PKHD1: variants seen among roughly 807,000 people sequenced by gnomAD.
The protein encoded by PKHD1 is PKHD1 ciliary IPT domain containing fibrocystin/polyductin.
A neutral mutation model predicts 412.0 loss-of-function variants in PKHD1; 291 were observed. The ratio of observed to expected loss-of-function variants is 0.71; its 90% confidence interval spans 0.64 to 0.78. The LOEUF is 0.78. Among genes scored for constraint, PKHD1 ranks in the 30% least tolerant of loss-of-function variants. The pLI is 0.00. For missense variants in PKHD1, 4,825 were observed against 4,950.7 expected, an observed-to-expected ratio of 0.97 and a Z score of 0.76; for synonymous variants, 1,777 against 1,821.5, an observed-to-expected ratio of 0.98 and a Z score of 0.62.
chr6:51,730,480 C>T (rs1466179616), intron 60 of PKHD1, among the ~76,000 whole-genome samples: 1 of 152,162 alleles, frequency 6.6e-6, no homozygotes, highest in Non-Finnish European at 1.5e-5. Flanking sequence ...ATTTAAAATG[C>T]TATTTTTGTT....
chr6:51,959,269 A>G (rs1395004243), intron 36 of PKHD1, among the ~76,000 whole-genome samples: 1 of 152,124 alleles, frequency 6.6e-6, no homozygotes, highest in African/African-American at 2.4e-5. Flanking sequence ...CATGATTTTT[A>G]TTCTCATTTA....
At chr6:51,711,215 G>A (rs889444511) in intron 60 of PKHD1, among the ~76,000 whole-genome samples, 1 of 152,154 alleles carries the variant, frequency 6.6e-6, no homozygotes, top group South Asian at 2.1e-4. Flanking sequence ...ATTTCATAAG[G>A]ATCCTGAGAA....
chr6:51,799,821 G>A (rs979106238), intron 52 of PKHD1, among the ~76,000 whole-genome samples: 1 of 152,128 alleles, frequency 6.6e-6, no homozygotes, highest in African/African-American at 2.4e-5. Flanking sequence ...AATTACTCAA[G>A]ATATTTCAGA....
Position 51,940,979 on chromosome 6 carries a change from G to T in PKHD1, c.5909-6657C>A, listed in dbSNP as rs187175768. Among the ~76,000 whole-genome samples the T allele has an allele frequency of 1.2e-3, 188 of 151,262 alleles. 1 individual carries two copies. Among genetic ancestry groups the T allele is most frequent in the African/African-American group, 4.3e-3 (176 of 41,378 alleles). ...AATTGAATTATCTGCTTCCCTCACT[G>T]TTCCTAGATTACAGCCACACCTCAC... On this transcript the variant is annotated intron_variant, in intron 36 of 66. Coordinates refer to ENST00000371117, the MANE Select transcript of PKHD1 (RefSeq NM_138694.4).
At chr6:51,963,042 TACATGCTTTTACAGATATCAC>T (rs1792304116) in intron 35 of PKHD1, among the ~76,000 whole-genome samples, 1 of 152,046 alleles carries the variant, frequency 6.6e-6, no homozygotes, top group Non-Finnish European at 1.5e-5. Context: ...GCTGGTGCCA[TACATGCTTTTACAGATATCAC>T]ACACAAACAC....
intron 34 of PKHD1, among the ~76,000 whole-genome samples, chr6:52,014,700 A>AGATGGATGGATG (rs55925667): frequency 3.0e-4 from 24 of 80,764 alleles, no homozygotes; most frequent in Middle Eastern, 6.0e-3. Flanking sequence ...TATACTGGAT[A>AGATGGATGGATG]GATGGATGGA....
chr6:51,984,075 A>T (rs1301686775), intron 35 of PKHD1, among the ~76,000 whole-genome samples: 1 of 152,262 alleles, frequency 6.6e-6, no homozygotes, highest in Non-Finnish European at 1.5e-5. Flanking sequence ...ACTCTGAGTT[A>T]TGACAAAGGG....
chr6:51,883,209 G>C lies in PKHD1; in HGVS notation c.7234C>G (p.Leu2412Val), dbSNP rs1010562596. The change falls in exon 46 of 67, where the codon CTT becomes GTT. Residue 2412 changes from leucine (L) to valine (V), a missense_variant. By Grantham distance (32) the Leu-to-Val change is conservative. Coordinates refer to ENST00000371117, the MANE Select transcript of PKHD1 (RefSeq NM_138694.4). ...TAAACTTTGAAGTTTTTCAGGCGAA[G>C]ATTGCTACTTCTAAAAATCTATAAA... ...GGAQIFRSSN[L>V]RLKNFKVYSC... The C allele has an allele frequency of 3.1e-6, 5 of 1,613,386 alleles. No homozygotes were observed. The highest frequency in any genetic ancestry group is 4.2e-6 in the Non-Finnish European group (5 of 1,179,458).
rs892429043 is a variant in PKHD1 at position 51,659,451 on chromosome 6, C to G, written c.10675G>C (p.Val3559Leu). The change falls in exon 61 of 67, where the codon GTT becomes CTT. Residue 3559 changes from valine to leucine, a missense_variant. Transcript: ENST00000371117. Reference sequence around the variant, plus strand: ...ACAGTGAGGGCCAAGTGAATGGAAACACCTGAGCGTATTTCAATGGGCTCC... The same window carrying G: ...ACAGTGAGGGCCAAGTGAATGGAAAGACCTGAGCGTATTTCAATGGGCTCC... ...GEEPIEIRSG[V>L]SIHLALTVMV... 8 of 1,613,696 alleles carry G rather than the reference C, an allele frequency of 5.0e-6. No individual in the cohort carries two copies. The highest frequency in any genetic ancestry group is 6.8e-6 in the Non-Finnish European group (8 of 1,179,822).
At chr6:51,917,241 A>T (rs1174313362) in intron 37 of PKHD1, among the ~76,000 whole-genome samples, 2 of 151,862 alleles carry the variant, frequency 1.3e-5, no homozygotes, top group Non-Finnish European at 2.9e-5. Flanking sequence ...AGGATAATTT[A>T]TTAAAATAAT....
At chr6:51,967,849 G>A (rs1239269264) in intron 35 of PKHD1, among the ~76,000 whole-genome samples, 1 of 152,174 alleles carries the variant, frequency 6.6e-6, no homozygotes, top group Non-Finnish European at 1.5e-5. Flanking sequence ...TAAGAGACAA[G>A]GTTAACATTT....
chr6:51,659,591 T>G lies in PKHD1; in HGVS notation c.10535A>C (p.Glu3512Ala). 6.2e-7 allele frequency: 1 copy of G among 1,613,674 alleles called. No individual in the cohort carries two copies. The highest frequency in any genetic ancestry group is 8.5e-7 in the Non-Finnish European group (1 of 1,179,850). ...ELQSPHVFLG[E>A]SFIPPTLVQS... ...AACCAGAGTGGGTGGAATAAAACTT[T>G]CCCCTAAGAAGACGTGGGGGCTCTG... The change falls in exon 61 of 67, where the codon GAA (glutamate) becomes GCA (alanine). Residue 3512 changes from glutamate (E) to alanine (A), a missense_variant. By Grantham distance (107) the Glu-to-Ala change is moderately radical (BLOSUM62 -1). Transcript: ENST00000371117.
intron 35 of PKHD1, among the ~76,000 whole-genome samples, chr6:52,004,645 GT>G (rs1798836767): frequency 6.6e-6 from 1 of 152,184 alleles, no homozygotes; most frequent in African/African-American, 2.4e-5. Context: ...TGAAATAACA[GT>G]TTAATTTTGT....
At chr6:51,954,788 C>A (rs1412788122) in intron 36 of PKHD1, among the ~76,000 whole-genome samples, 3 of 151,920 alleles carry the variant, frequency 2.0e-5, no homozygotes, top group Non-Finnish European at 4.4e-5. Flanking sequence ...AGCTCAACAC[C>A]AAGGAGAGAG....
At chr6:51,965,121 G>C (rs1445635010) in intron 35 of PKHD1, among the ~76,000 whole-genome samples, 1 of 152,050 alleles carries the variant, frequency 6.6e-6, no homozygotes, top group African/African-American at 2.4e-5. Flanking sequence ...AAATCCTTTT[G>C]TATGAGCTAA....
At chr6:51,845,278 T>C (rs766856123) in intron 50 of PKHD1, among the ~76,000 whole-genome samples, 5 of 152,214 alleles carry the variant, frequency 3.3e-5, no homozygotes, top group African/African-American at 1.2e-4. Context: ...CAACCCAGTA[T>C]AGCTACATGG....
chr6:51,902,459 G>C (rs896984186), intron 43 of PKHD1, among the ~76,000 whole-genome samples: 1 of 152,084 alleles, frequency 6.6e-6, no homozygotes, highest in Admixed American at 6.5e-5. Context: ...CTCCCATTAG[G>C]CACCTAAAAT....
chr6:52,022,120 C>T (rs1219772890), intron 33 of PKHD1, among the ~76,000 whole-genome samples: 1 of 152,112 alleles, frequency 6.6e-6, no homozygotes, highest in South Asian at 2.1e-4. Context: ...TGGGGTATTA[C>T]CATGTGTTGT....
At chr6:51,786,138 T>C (rs1792816337) in intron 53 of PKHD1, among the ~76,000 whole-genome samples, 2 of 152,096 alleles carry the variant, frequency 1.3e-5, no homozygotes, top group South Asian at 2.1e-4. Flanking sequence ...CCGAGGGCCA[T>C]TCAACTAATG....
Sources: gnomAD v4.1 joint callset for allele counts (sites outside exome capture counted in the v4.1 genomes callset) on GRCh38, gnomAD v4.1.1 for gene constraint, MANE v1.5 for transcripts, NCBI Gene and HGNC (gene_info 2026-07-23, HGNC 2026-07-21) for gene names.